The following MAF variants were observed in gnomAD, a reference collection of about 807,000 sequenced individuals.
MAF encodes transcription factor Maf.
MAF carries 10 observed loss-of-function variants against 22.0 expected under a neutral mutation model. The observed-to-expected ratio is 0.45, with a 90% CI of 0.28 to 0.77. The LOEUF is 0.77. Ranked by LOEUF, MAF falls within the 30% of genes least tolerant of loss-of-function variation. The probability of loss-of-function intolerance (pLI) is 0.12; values close to 1 mark genes in which losing one functional copy is unlikely to be tolerated. For synonymous variants in MAF, 337 were observed against 255.8 expected (o/e 1.32, Z -3.03); for missense variants, 544 against 548.4 (o/e 0.99, Z 0.08).
At chr16:79,376,683 C>T in the MAF span, among the ~76,000 whole-genome samples, 2 of 152,148 alleles carry the variant, frequency 1.3e-5, no homozygotes, top group African/African-American at 4.8e-5. Context: ...TCTCCTCCCC[C>T]CACCCTACAA....
At chr16:79,373,295 T>C in the MAF span, among the ~76,000 whole-genome samples, 1 of 148,556 alleles carries the variant, frequency 6.7e-6, no homozygotes, top group Non-Finnish European at 1.5e-5. Context: ...AAGAGGGCTC[T>C]GTCCTGTTAA....
At chr16:79,458,189 G>A in the MAF span, among the ~76,000 whole-genome samples, 1 of 149,208 alleles carries the variant, frequency 6.7e-6, no homozygotes, top group East Asian at 2.0e-4. Context: ...AAGAGAAAGA[G>A]CTCATGACTT....
chr16:79,211,397 C>T, the MAF span, among the ~76,000 whole-genome samples: 3 of 152,288 alleles, frequency 2.0e-5, no homozygotes, highest in East Asian at 5.8e-4. Context: ...ACCAGCTTTA[C>T]AAGCGGAGTT....
the MAF span, among the ~76,000 whole-genome samples, chr16:79,294,756 G>A: frequency 6.6e-6 from 1 of 152,164 alleles, no homozygotes; most frequent in South Asian, 2.1e-4. Context: ...TCCAAAGTCT[G>A]CACTGGTTGC....
the MAF span, among the ~76,000 whole-genome samples, chr16:79,329,097 A>C: frequency 6.8e-6 from 1 of 147,952 alleles, no homozygotes. Flanking sequence ...TTTTTAACCC[A>C]TGTTTCACTT....
At chr16:79,565,224 C>T in the MAF span, among the ~76,000 whole-genome samples, 2 of 152,146 alleles carry the variant, frequency 1.3e-5, no homozygotes, top group South Asian at 4.2e-4. Flanking sequence ...TTGAACCCGG[C>T]CCAATTACCT....
the MAF span, among the ~76,000 whole-genome samples, chr16:79,519,136 T>C: frequency 2.0e-5 from 3 of 152,156 alleles, no homozygotes; most frequent in Admixed American, 2.0e-4. Flanking sequence ...CCTCACAACA[T>C]CACTGTGGCA....
the MAF span, among the ~76,000 whole-genome samples, chr16:79,467,882 ACCT>A: frequency 7.7e-5 from 11 of 142,118 alleles, no homozygotes; most frequent in Admixed American, 6.5e-4. Context: ...AGGCAGGCAA[ACCT>A]CCTCTCAAAT....
chr16:79,474,666 T>G, the MAF span, among the ~76,000 whole-genome samples: 3 of 152,206 alleles, frequency 2.0e-5, no homozygotes, highest in Non-Finnish European at 2.9e-5. Context: ...TCTTTTTTTG[T>G]CCCATCTGGA....
chr16:79,384,788 G>A, the MAF span, among the ~76,000 whole-genome samples: 1 of 152,112 alleles, frequency 6.6e-6, no homozygotes, highest in Non-Finnish European at 1.5e-5. Flanking sequence ...AATTAAAAAA[G>A]GGGGAGCATG....
chr16:79,430,393 G>A, the MAF span, among the ~76,000 whole-genome samples: 1 of 152,082 alleles, frequency 6.6e-6, no homozygotes, highest in Non-Finnish European at 1.5e-5. Context: ...TCAACACCTC[G>A]GACGCTTTTG....
chr16:79,586,874 C>T (rs74037391), intron 1 of MAF, among the ~76,000 whole-genome samples: 2,310 of 152,266 alleles, frequency 0.015, 61 homozygotes, highest in African/African-American at 0.053. Flanking sequence ...TGTACAATAA[C>T]GGCGATAAAC....
At chr16:79,204,657 G>C in the MAF span, 114,074 of 152,096 alleles carry the variant, frequency 0.75, 43,687 homozygotes, top group Non-Finnish European at 0.82. Flanking sequence ...CAGGCCCTGA[G>C]AGCGTACCAA....
At chr16:79,504,045 G>C in the MAF span, among the ~76,000 whole-genome samples, 1 of 152,154 alleles carries the variant, frequency 6.6e-6, no homozygotes, top group African/African-American at 2.4e-5. Flanking sequence ...TTCAAGAAAG[G>C]ATAAGTTCTT....
At chr16:79,281,478 TTTGTAATTCAG>T in the MAF span, among the ~76,000 whole-genome samples, 1 of 151,980 alleles carries the variant, frequency 6.6e-6, no homozygotes, top group Admixed American at 6.5e-5. Flanking sequence ...TGAAAAAAGG[TTTGTAATTCAG>T]TTGTTTGTAT....
chr16:79,597,648 C>A, intron 1 of MAF: 1 of 1,020,902 alleles, frequency 9.8e-7, no homozygotes, highest in South Asian at 4.6e-5. Context: ...GAAGGCTCTA[C>A]GGTTGCACTG....
downstream of MAF, among the ~76,000 whole-genome samples, chr16:79,583,938 G>T (rs1415612784): frequency 6.6e-6 from 1 of 152,206 alleles, no homozygotes; most frequent in African/African-American, 2.4e-5. Context: ...GGCGCAGCAT[G>T]CATGTTGGTT....
At chr16:79,267,519 G>A in the MAF span, among the ~76,000 whole-genome samples, 2 of 152,232 alleles carry the variant, frequency 1.3e-5, no homozygotes, top group African/African-American at 4.8e-5. Context: ...CTAGGGCCAA[G>A]TACCAAGTGT....
At chr16:79,220,962 G>C in the MAF span, among the ~76,000 whole-genome samples, 70 of 152,280 alleles carry the variant, frequency 4.6e-4, no homozygotes, top group East Asian at 0.013. Context: ...TTCCCGTCTG[G>C]AACCAAGACA....
Sources: gnomAD v4.1 joint callset for allele counts (sites outside exome capture counted in the v4.1 genomes callset) on GRCh38, gnomAD v4.1.1 for gene constraint, MANE v1.5 for transcripts, NCBI Gene and HGNC (gene_info 2026-07-23, HGNC 2026-07-21) for gene names.